Variants in TRMU observed in about 807,000 individuals in gnomAD.
TRMU encodes tRNA mitochondrial 2-thiouridylase.
TRMU carries 49 observed loss-of-function variants against 46.9 expected under a neutral mutation model. The ratio of observed to expected loss-of-function variants is 1.05; its 90% confidence interval spans 0.83 to 1.33. The LOEUF (loss-of-function observed/expected upper bound fraction) is 1.33, where lower values mean the gene tolerates loss of function less well. TRMU is among the 40% of genes most tolerant of loss of function. The pLI is 0.00. For synonymous variants in TRMU, 241 were observed against 200.9 expected (o/e 1.20, Z -1.69); for missense variants, 572 against 532.4 (o/e 1.07, Z -0.73).
intron 9 of TRMU, 77 bp downstream of exon 9, chr22:46,355,665 G>A (rs2078581480): frequency 6.2e-7 from 1 of 1,604,428 alleles, no homozygotes; most frequent in African/African-American, 1.3e-5. Context: ...CCAGGGATGG[G>A]AGACCCTGGG....
chr22:46,353,453 C>G, intron 7 of TRMU: 1 of 369,718 alleles, frequency 2.7e-6, no homozygotes, highest in Non-Finnish European at 5.3e-6. Context: ...CCTGGCGTCA[C>G]ACAGGGCACC....
At position 46,346,463 on chromosome 22, in the gene TRMU, C is replaced by A; in HGVS notation, c.397C>A (p.Leu133Met). Residue 133 changes from leucine (L) to methionine (M), a missense_variant, in exon 4 of 11, where the codon CTG becomes ATG. Physicochemically the swap from Leu to Met is conservative, Grantham distance 15. Coordinates refer to ENST00000645190, the MANE Select transcript of TRMU (RefSeq NM_018006.5). The stretch of plus-strand genomic sequence containing the variant: ...CACAGGTCACTATGCAAGAACTTCC[C>A]TGGAAGATGAAGAAGTCTTTGAGCA... The part of the protein sequence containing the change: ...IATGHYARTS[L>M]EDEEVFEQKH... 1 of 1,613,678 alleles carries A rather than the reference C, an allele frequency of 6.2e-7. No homozygotes were observed. Among genetic ancestry groups the A allele is most frequent in the South Asian group, 1.1e-5 (1 of 91,034 alleles).
intron 7 of TRMU, chr22:46,353,318 T>C (rs2078493351): frequency 4.6e-6 from 1 of 216,248 alleles, no homozygotes; most frequent in Admixed American, 5.1e-5. Context: ...GGCAGTGAGT[T>C]TGCCATCTGC....
At chr22:46,354,020 G>C (rs1569085548) in intron 8 of TRMU, 153 bp downstream of exon 8, 4 of 711,004 alleles carry the variant, frequency 5.6e-6, no homozygotes, top group Non-Finnish European at 1.0e-5. Context: ...GCCTTTCCTG[G>C]GACTGGCCAT....
rs201608747 is a variant in TRMU, at chr22:46,352,106, G to A, written c.652-15G>A. 9.2e-5 allele frequency: 149 copies of A among 1,612,426 alleles called. No homozygotes were observed. The East Asian group carries it at 2.7e-3, about 29-fold the overall frequency. Reference sequence around the variant, plus strand: ...CACTTCTGCTCCTCTCACGGCTGCCGTCTTCTCATTTCAGAGCATGGGCAT... The same window carrying A: ...CACTTCTGCTCCTCTCACGGCTGCCATCTTCTCATTTCAGAGCATGGGCAT... On this transcript the variant is annotated splice_polypyrimidine_tract_variant and intron_variant, in intron 5 of 10. Coordinates refer to ENST00000645190, the MANE Select transcript of TRMU (RefSeq NM_018006.5).
intron 7 of TRMU, chr22:46,353,242 G>A (rs540414006): frequency 2.4e-4 from 44 of 180,740 alleles, no homozygotes; most frequent in Middle Eastern, 5.4e-3. Context: ...GAAGGCTGCC[G>A]GCCCAGGCCA....
chr22:46,356,628 G>C (rs572469004), intron 10 of TRMU: 1 of 594,524 alleles, frequency 1.7e-6, no homozygotes, highest in South Asian at 2.0e-5. Flanking sequence ...TCAGGGAGAG[G>C]TACCCTGAAG....
At position 46,347,128 on chromosome 22, in the gene TRMU, A is replaced by AAAAG. The variant is rs1262002563; in HGVS notation, c.478+586_478+589dup. ...TGTCCTGGTGTACATTCGTGTGTAG[A>AAAAG]AAAGAGGAATTCCCTGTATTGTTGA... is the stretch of plus-strand genomic sequence containing the variant. On this transcript the variant is annotated intron_variant, in intron 4 of 10. Coordinates refer to ENST00000645190, the MANE Select transcript of TRMU (RefSeq NM_018006.5). This position sits in a 1 kb window ranked among gnomAD's most constrained non-coding sequence, Gnocchi z 5.0. Among the ~76,000 whole-genome samples the AAAAG allele has an allele frequency of 5.9e-5, 9 of 152,192 alleles. No homozygotes were observed. Among genetic ancestry groups the AAAAG allele is most frequent in the African/African-American group, 1.9e-4 (8 of 41,438 alleles).
In TRMU at chr22:46,338,041, G is replaced by A; in HGVS notation, c.248+97G>A. On this transcript the variant is annotated intron_variant, in intron 2 of 10. Coordinates refer to ENST00000645190, the MANE Select transcript of TRMU (RefSeq NM_018006.5). The surrounding 1 kb of genome is among the most constrained non-coding windows in gnomAD (Gnocchi z 4.5). ...CAGCCAGACCGACGCCTGTGCTGCA[G>A]CCCAGCGCTCTCCCTCCACGGTGGT... 4 of 1,539,170 alleles carry A rather than the reference G, an allele frequency of 2.6e-6. No homozygotes were observed. The highest frequency in any genetic ancestry group is 3.6e-6 in the Non-Finnish European group (4 of 1,116,216).
intron 9 of TRMU, 126 bp downstream of exon 9, chr22:46,355,714 C>A: frequency 1.3e-6 from 2 of 1,499,112 alleles, no homozygotes; most frequent in Non-Finnish European, 1.8e-6. Context: ...TGGAGATTAC[C>A]TAAAGTATTT....
At chr22:46,356,297 G>C (rs997154155) in intron 10 of TRMU, 6 of 573,872 alleles carry the variant, frequency 1.0e-5, no homozygotes, top group Admixed American at 2.9e-5. Flanking sequence ...GTTCCTGCTC[G>C]GGCCCTGAGA....
At chr22:46,346,381 T>G (rs759628843) in intron 3 of TRMU, 41 bp from the exon 4 acceptor site, 3 of 1,602,386 alleles carry the variant, frequency 1.9e-6, no homozygotes, top group East Asian at 2.2e-5. Context: ...CCTGCAAGTA[T>G]GAGTCTAAAA....
Position 46,338,842 on chromosome 22 carries a change from T to C in TRMU, c.248+898T>C, listed in dbSNP as rs1412229867. 6.6e-6 allele frequency among the ~76,000 whole-genome samples: 1 copy of C among 152,174 alleles called. No individual in the cohort carries two copies. Among genetic ancestry groups the C allele is most frequent in the Non-Finnish European group, 1.5e-5 (1 of 68,026 alleles). ...AAGGCGTCTGACACAGCAGGCCATG[T>C]GCGCGGGACAGGCTGCCCCTGCCTG... On this transcript the variant is annotated intron_variant, in intron 2 of 10. Coordinates refer to ENST00000645190, the MANE Select transcript of TRMU (RefSeq NM_018006.5). This position sits in a 1 kb window ranked among gnomAD's most constrained non-coding sequence, Gnocchi z 4.5.
At chr22:46,352,483 G>C in intron 7 of TRMU, 153 bp downstream of exon 7, 1 of 816,384 alleles carries the variant, frequency 1.2e-6, no homozygotes, top group Non-Finnish European at 2.0e-6. Context: ...GCACGGCCTA[G>C]GGTGGAACAG....
At chr22:46,344,583 G>A (rs1460501731) in intron 3 of TRMU, among the ~76,000 whole-genome samples, 1 of 152,198 alleles carries the variant, frequency 6.6e-6, no homozygotes, top group African/African-American at 2.4e-5. Context: ...TTCAGGAAGG[G>A]AAGGCTTGCC....
chr22:46,353,247 A>T, intron 7 of TRMU: 1 of 183,026 alleles, frequency 5.5e-6, no homozygotes, highest in Non-Finnish European at 1.2e-5. Flanking sequence ...CTGCCGGCCC[A>T]GGCCACGTGG....
rs1601985938 is a variant in TRMU at position 46,353,833 on chromosome 22, TGGA to T, written c.841_843del (p.Glu281del). ...GGCCTGAGAGAGCCCTGGTACGTGG[TGGA>T]GAAGGACAGCGTCAAGGGTGACGTG... On this transcript the variant is annotated inframe_deletion, in exon 8 of 11. Transcript: ENST00000645190. The T allele has an allele frequency of 6.2e-7, 1 of 1,613,894 alleles. No homozygotes were observed. Among genetic ancestry groups the T allele is most frequent in the Non-Finnish European group, 8.5e-7 (1 of 1,179,894 alleles).
chr22:46,355,446 C>A lies in TRMU; in HGVS notation c.876C>A (p.Ala292=). 6.2e-7 allele frequency: 1 copy of A among 1,612,942 alleles called. No homozygotes were observed. The highest frequency in any genetic ancestry group is 8.5e-7 in the Non-Finnish European group (1 of 1,179,902). Residue 292 remains alanine (A), a splice_region_variant and synonymous_variant, in exon 9 of 11, where the codon GCC becomes GCA. Transcript: ENST00000645190. ...CACCTTCACATTCCATTCTGCAGGC[C>A]CCCCGGACAGACCACCCAGCCCTGT... The part of the protein sequence containing the change: ...KDSVKGDVFV[A]PRTDHPALYR...
chr22:46,356,644 C>G, intron 10 of TRMU, 198 bp from the exon 11 acceptor site: 1 of 624,150 alleles, frequency 1.6e-6, no homozygotes, highest in African/African-American at 1.8e-5. Flanking sequence ...TGAAGACCCT[C>G]CCTAGTGAAG....
Sources: allele counts gnomAD v4.1 joint callset (sites outside exome capture counted in the v4.1 genomes callset), GRCh38; gene constraint gnomAD v4.1.1; non-coding constraint Gnocchi (gnomAD v3.1); transcripts MANE v1.5; gene names NCBI Gene and HGNC (gene_info 2026-07-23, HGNC 2026-07-21).